The following AFF2 variants were observed in gnomAD, a reference collection of about 807,000 sequenced individuals.
AFF2 encodes the protein ALF transcription elongation factor 2, also known as AF4/FMR2 family member 2.
A neutral mutation model predicts 76.9 loss-of-function variants in AFF2; 14 were observed. The ratio of observed to expected loss-of-function variants is 0.18; its 90% CI spans 0.12 to 0.28. The LOEUF (loss-of-function observed/expected upper bound fraction) is 0.28, where lower values mean the gene tolerates loss of function less well. Among genes scored for constraint, AFF2 ranks in the 10% least tolerant of loss-of-function variants. The pLI is 1.00. For missense variants in AFF2, 868 were observed against 1,001.1 expected, an observed-to-expected ratio of 0.87 and a Z score of 1.79; for synonymous variants, 398 against 366.7, an observed-to-expected ratio of 1.09 and a Z score of -0.98.
At chrX:148,668,893 C>T (rs913461012) in intron 3 of AFF2, among the ~76,000 whole-genome samples, 1 of 112,475 alleles carries the variant, frequency 8.9e-6, no homozygotes, top group Non-Finnish European at 1.9e-5. Context: ...TGAATTTCTC[C>T]TCAGAAAATG....
chrX:148,836,521 T>G (rs1259833599), intron 4 of AFF2, among the ~76,000 whole-genome samples: 1 of 111,691 alleles, frequency 9.0e-6, no homozygotes, highest in Admixed American at 9.5e-5. Context: ...ACTTACTCAT[T>G]AAAAAAGACT....
At chrX:148,608,342 A>C (rs1382591754) in intron 1 of AFF2, among the ~76,000 whole-genome samples, 2 of 111,237 alleles carry the variant, frequency 1.8e-5, no homozygotes, top group African/African-American at 6.5e-5. Flanking sequence ...GTACTTCCAT[A>C]AAGAAATGGG....
chrX:148,872,927 C>T (rs1424851142), intron 7 of AFF2, among the ~76,000 whole-genome samples: 1 of 111,712 alleles, frequency 9.0e-6, no homozygotes, highest in East Asian at 2.8e-4. Flanking sequence ...ATTAGAGTTT[C>T]AACTCTATAT....
intron 8 of AFF2, among the ~76,000 whole-genome samples, chrX:148,902,431 T>G (rs2071364127): frequency 8.9e-6 from 1 of 111,923 alleles, no homozygotes; most frequent in Admixed American, 9.5e-5. Context: ...CCTACTAGTA[T>G]ATCTTATTGC....
intron 1 of AFF2, among the ~76,000 whole-genome samples, chrX:148,509,796 C>A (rs1557232921): frequency 8.9e-6 from 1 of 111,981 alleles, no homozygotes; most frequent in African/African-American, 3.2e-5. Flanking sequence ...GGAGTTGGTG[C>A]CTTCGTACTG....
intron 11 of AFF2, among the ~76,000 whole-genome samples, chrX:148,956,865 T>G (rs1174046042): frequency 1.8e-5 from 2 of 113,100 alleles, no homozygotes; most frequent in Non-Finnish European, 3.7e-5. Context: ...AAGAAAAATA[T>G]GAAGAAAGTC....
At chrX:148,749,384 A>T (rs2055469585) in intron 3 of AFF2, among the ~76,000 whole-genome samples, 1 of 109,629 alleles carries the variant, frequency 9.1e-6, no homozygotes. Context: ...AGATCCTCCC[A>T]CTTCAGCCTT....
At chrX:148,976,491 A>G (rs1315691091) in intron 16 of AFF2, among the ~76,000 whole-genome samples, 1 of 112,303 alleles carries the variant, frequency 8.9e-6, no homozygotes, top group African/African-American at 3.2e-5. Context: ...TCAGTTGGGA[A>G]TAAAATGAGT....
intron 1 of AFF2, among the ~76,000 whole-genome samples, chrX:148,572,595 A>T (rs1393403470): frequency 1.8e-5 from 2 of 111,896 alleles, no homozygotes; most frequent in Admixed American, 1.9e-4. Flanking sequence ...GGAAGTACTG[A>T]TGTGTGTCAC....
chrX:148,955,591 C>T lies in AFF2; in HGVS notation c.1558-12C>T. ...GTAAAAATCATTCTTGCTGCTGTTT[C>T]TCAATCTGCAGCCTGAGCCACCCTC... On this transcript the variant is annotated splice_polypyrimidine_tract_variant and intron_variant, in intron 10 of 20. Transcript: ENST00000370460. The T allele has an allele frequency of 8.4e-7, 1 of 1,191,055 alleles. No homozygotes were observed.
chrX:148,521,870 A>G (rs1431629540), intron 1 of AFF2, among the ~76,000 whole-genome samples: 6 of 112,091 alleles, frequency 5.4e-5, no homozygotes, highest in Non-Finnish European at 1.1e-4. Context: ...GCGTCCATGA[A>G]ACAGCCCTTG....
chrX:148,941,127 CT>C (rs2071829105), intron 9 of AFF2, among the ~76,000 whole-genome samples: 1 of 111,227 alleles, frequency 9.0e-6, no homozygotes, highest in South Asian at 3.8e-4. Flanking sequence ...TAGAAACTGC[CT>C]TTTTTTCTGA....
chrX:148,808,165 A>G (rs2070160796), intron 3 of AFF2, among the ~76,000 whole-genome samples: 1 of 112,046 alleles, frequency 8.9e-6, no homozygotes, highest in Admixed American at 9.4e-5. Flanking sequence ...TCCATTTTGC[A>G]TAACTAGTGT....
intron 3 of AFF2, among the ~76,000 whole-genome samples, chrX:148,773,655 A>G (rs1286995838): frequency 4.0e-5 from 4 of 99,047 alleles, no homozygotes; most frequent in South Asian, 5.1e-4. Context: ...GGGAGGGAGG[A>G]AGGAAGGAAG....
intron 1 of AFF2, among the ~76,000 whole-genome samples, chrX:148,631,515 AT>A (rs1225578385): frequency 1.8e-5 from 2 of 112,322 alleles, no homozygotes; most frequent in South Asian, 3.7e-4. Context: ...GAAGAGAAGA[AT>A]AAGCCAAAGA....
intron 9 of AFF2, among the ~76,000 whole-genome samples, chrX:148,931,174 A>C (rs1557284349): frequency 9.6e-6 from 1 of 103,942 alleles, no homozygotes; most frequent in Non-Finnish European, 2.0e-5. Context: ...GAACCGCTTG[A>C]ACCTGGGAGG....
At chrX:148,830,871 A>G (rs978394502) in intron 4 of AFF2, among the ~76,000 whole-genome samples, 16 of 111,187 alleles carry the variant, frequency 1.4e-4, no homozygotes, top group Admixed American at 1.3e-3. Context: ...GAATTTCCTC[A>G]TCCTAATAAG....
intron 3 of AFF2, among the ~76,000 whole-genome samples, chrX:148,724,426 C>T (rs1308977522): frequency 8.9e-6 from 1 of 111,740 alleles, no homozygotes; most frequent in African/African-American, 3.2e-5. Flanking sequence ...GCATAAATTG[C>T]ATCCTCATTA....
chrX:148,641,583 C>T (rs1369002931), intron 1 of AFF2, among the ~76,000 whole-genome samples: 5 of 111,524 alleles, frequency 4.5e-5, no homozygotes, highest in African/African-American at 1.6e-4. Context: ...TCATTGTGAA[C>T]CGGCTCAGAA....
Sources: allele counts gnomAD v4.1 joint callset (sites outside exome capture counted in the v4.1 genomes callset), GRCh38; gene constraint gnomAD v4.1.1; transcripts MANE v1.5; gene names NCBI Gene and HGNC (gene_info 2026-07-23, HGNC 2026-07-21).